CCDC6: variants seen among roughly 807,000 people sequenced by gnomAD.
CCDC6 encodes the protein coiled-coil domain-containing protein 6.
A neutral mutation model predicts 56.6 loss-of-function variants in CCDC6; 20 were observed. That is an observed-to-expected ratio of 0.35 (90% CI 0.25 to 0.51). The LOEUF is 0.51. Ranked by LOEUF, CCDC6 falls within the 20% of genes least tolerant of loss-of-function variation. The pLI is 0.95. For missense variants in CCDC6, 367 were observed against 601.1 expected, an observed-to-expected ratio of 0.61 and a Z score of 4.07; for synonymous variants, 241 against 234.4, an observed-to-expected ratio of 1.03 and a Z score of -0.26.
intron 3 of CCDC6, among the ~76,000 whole-genome samples, chr10:59,820,272 G>A (rs900349539): frequency 6.6e-6 from 1 of 152,150 alleles, no homozygotes; most frequent in African/African-American, 2.4e-5. Flanking sequence ...AAAAAAAGCC[G>A]GATGAGAACT....
intron 1 of CCDC6, among the ~76,000 whole-genome samples, chr10:59,879,662 C>T (rs188387460): frequency 1.3e-3 from 192 of 152,216 alleles, no homozygotes; most frequent in Non-Finnish European, 2.1e-3. Context: ...ATCTGCCTTC[C>T]CTAAAGGTAC....
At chr10:59,854,805 CA>C (rs1207759145) in intron 1 of CCDC6, among the ~76,000 whole-genome samples, 2 of 152,210 alleles carry the variant, frequency 1.3e-5, no homozygotes, top group Non-Finnish European at 2.9e-5. Context: ...GCCATCTATC[CA>C]AGCTACTTGT....
chr10:59,797,864 T>G (rs17199988), intron 7 of CCDC6, among the ~76,000 whole-genome samples: 31,277 of 152,044 alleles, frequency 0.21, 3,744 homozygotes, highest in Middle Eastern at 0.28. Flanking sequence ...GTAGTCTTCA[T>G]GTAGGAGTCC....
chr10:59,818,784 T>C (rs1376454895), intron 3 of CCDC6, among the ~76,000 whole-genome samples: 1 of 152,076 alleles, frequency 6.6e-6, no homozygotes, highest in Admixed American at 6.5e-5. Flanking sequence ...CGTTAGAAAA[T>C]GAATGAGTAC....
At chr10:59,837,024 T>A (rs1405932828) in intron 2 of CCDC6, among the ~76,000 whole-genome samples, 1 of 152,236 alleles carries the variant, frequency 6.6e-6, no homozygotes, top group African/African-American at 2.4e-5. Flanking sequence ...TCCAGCCCAA[T>A]GAAATACACA....
chr10:59,848,556 T>C (rs2071013321), intron 2 of CCDC6, among the ~76,000 whole-genome samples: 1 of 152,156 alleles, frequency 6.6e-6, no homozygotes, highest in Admixed American at 6.5e-5. Context: ...TGGGTGCCTG[T>C]AATCCCAGCT....
At chr10:59,812,522 A>T in intron 5 of CCDC6, 113 bp downstream of exon 5, 1 of 707,148 alleles carries the variant, frequency 1.4e-6, no homozygotes, top group Non-Finnish European at 2.2e-6. Flanking sequence ...CATCAGTAAT[A>T]TATGAATTTA....
chr10:59,802,925 T>C (rs1167517534), intron 7 of CCDC6, among the ~76,000 whole-genome samples: 1 of 152,232 alleles, frequency 6.6e-6, no homozygotes, highest in African/African-American at 2.4e-5. Context: ...ATCTTTAATA[T>C]GAATCAGCAT....
At chr10:59,889,235 T>C (rs1267983548) in intron 1 of CCDC6, among the ~76,000 whole-genome samples, 1 of 152,166 alleles carries the variant, frequency 6.6e-6, no homozygotes, top group Non-Finnish European at 1.5e-5. Flanking sequence ...AAAATGTGCA[T>C]CAGCCATAAA....
chr10:59,831,267 T>G (rs2070833036), intron 3 of CCDC6, among the ~76,000 whole-genome samples: 1 of 152,212 alleles, frequency 6.6e-6, no homozygotes, highest in Non-Finnish European at 1.5e-5. Context: ...TGAACTTTCA[T>G]CACAGAAAGG....
At chr10:59,823,809 G>A (rs1415453667) in intron 3 of CCDC6, among the ~76,000 whole-genome samples, 1 of 152,124 alleles carries the variant, frequency 6.6e-6, no homozygotes, top group African/African-American at 2.4e-5. Flanking sequence ...GAACACCTAA[G>A]TCATCAAGCA....
chr10:59,840,481 T>TC (rs549674060), intron 2 of CCDC6, among the ~76,000 whole-genome samples: 4 of 152,302 alleles, frequency 2.6e-5, no homozygotes, highest in Non-Finnish European at 5.9e-5. Context: ...TCTGGTCCTC[T>TC]CCTCTGGGCA....
chr10:59,838,228 T>TCACTCA (rs1554884402), intron 2 of CCDC6, among the ~76,000 whole-genome samples: 1 of 151,096 alleles, frequency 6.6e-6, no homozygotes, highest in Non-Finnish European at 1.5e-5. Flanking sequence ...ATAACAGCTG[T>TCACTCA]CACACACACA....
chr10:59,849,913 A>G (rs532890980), intron 2 of CCDC6, among the ~76,000 whole-genome samples: 39 of 152,318 alleles, frequency 2.6e-4, no homozygotes, highest in African/African-American at 6.7e-4. Flanking sequence ...TCAACAAAAG[A>G]CTGGTTGAAC....
At chr10:59,874,952 T>C (rs2071265816) in intron 1 of CCDC6, among the ~76,000 whole-genome samples, 1 of 152,222 alleles carries the variant, frequency 6.6e-6, no homozygotes, top group Non-Finnish European at 1.5e-5. Context: ...TATGAGATGA[T>C]AAATCTATGT....
intron 3 of CCDC6, among the ~76,000 whole-genome samples, chr10:59,829,054 A>G (rs2070812953): frequency 6.6e-6 from 1 of 152,240 alleles, no homozygotes; most frequent in East Asian, 1.9e-4. Context: ...AGGCCTATGA[A>G]AAGAATGAAT....
In CCDC6 at chr10:59,880,069, G is replaced by A. The variant is rs561233380; in HGVS notation, c.303+26053C>T. 7.9e-5 allele frequency among the ~76,000 whole-genome samples: 12 copies of A among 152,244 alleles called. 1 individual carries two copies. In the South Asian group the frequency reaches 2.5e-3, roughly 32 times the overall value. ...TCTATAAGAGAAAATGTCTCTGGCAGAGGCTCTGAGTGCATCAATATTTTT... is the reference window on the plus strand; with the variant it reads ...TCTATAAGAGAAAATGTCTCTGGCAAAGGCTCTGAGTGCATCAATATTTTT... On this transcript the variant is annotated intron_variant, in intron 1 of 8. Transcript: ENST00000263102.
At chr10:59,837,976 T>C (rs1296718502) in intron 2 of CCDC6, among the ~76,000 whole-genome samples, 1 of 152,098 alleles carries the variant, frequency 6.6e-6, no homozygotes, top group Non-Finnish European at 1.5e-5. Flanking sequence ...ATGTTATTAA[T>C]ATGAGCTTTG....
chr10:59,905,996 A>G, intron 1 of CCDC6, 126 bp downstream of exon 1: 2 of 812,560 alleles, frequency 2.5e-6, no homozygotes, highest in Non-Finnish European at 3.8e-6. Flanking sequence ...AGGTCCCCGC[A>G]GGGAGTGTGC....
Sources: allele counts gnomAD v4.1 joint callset (sites outside exome capture counted in the v4.1 genomes callset), GRCh38; gene constraint gnomAD v4.1.1; transcripts MANE v1.5; gene names NCBI Gene and HGNC (gene_info 2026-07-23, HGNC 2026-07-21).